The following PTPRG variants were observed in gnomAD, a reference collection of about 807,000 sequenced individuals.
PTPRG encodes the protein protein tyrosine phosphatase receptor type G, also known as receptor-type tyrosine-protein phosphatase gamma.
Under a neutral mutation model 165.3 loss-of-function variants are expected in PTPRG, and 102 were observed. The ratio of observed to expected loss-of-function variants is 0.62; its 90% CI spans 0.53 to 0.73. PTPRG has a LOEUF of 0.73. PTPRG is among the 30% of genes least tolerant of loss of function. The pLI, the probability that PTPRG is intolerant of heterozygous loss-of-function variation, is 0.00. For synonymous variants in PTPRG, 675 were observed against 669.5 expected, an observed-to-expected ratio of 1.01 and a Z score of -0.13; for missense variants, 1,866 against 1,861.4, an observed-to-expected ratio of 1.00 and a Z score of -0.05.
intron 2 of PTPRG, chr3:61,771,033 G>A (rs1016934408): frequency 6.6e-6 from 1 of 152,008 alleles, no homozygotes; most frequent in East Asian, 1.9e-4. Context: ...CTCACCATTT[G>A]CCTTGGCCTC....
chr3:62,011,797 G>C (rs1156734657), intron 4 of PTPRG, among the ~76,000 whole-genome samples: 1 of 152,170 alleles, frequency 6.6e-6, no homozygotes, highest in Non-Finnish European at 1.5e-5. Context: ...TTGGTCCCTG[G>C]CTTGGTAAAT....
At chr3:62,141,877 G>C (rs1047638125) in intron 6 of PTPRG, among the ~76,000 whole-genome samples, 5 of 151,776 alleles carry the variant, frequency 3.3e-5, no homozygotes, top group African/African-American at 1.2e-4. Flanking sequence ...CTCCAGCCTG[G>C]GTGACAGGGC....
At chr3:61,841,475 C>T (rs1187995469) in intron 2 of PTPRG, among the ~76,000 whole-genome samples, 1 of 152,258 alleles carries the variant, frequency 6.6e-6, no homozygotes, top group East Asian at 1.9e-4. Flanking sequence ...ACTAATGGGG[C>T]ATTGAACTAA....
At position 61,660,434 on chromosome 3, in the gene PTPRG, C is replaced by T. The variant is rs567114417; in HGVS notation, c.86-88444C>T. ...AACCTGAACTCAAAGTCTCCCAAAG[C>T]CCTCTCTGAACAAGAAAATAGAATA... On this transcript the variant is annotated intron_variant, in intron 1 of 29. Coordinates refer to ENST00000474889, the MANE Select transcript of PTPRG (RefSeq NM_002841.4). 1.9e-4 allele frequency among the ~76,000 whole-genome samples: 29 copies of T among 152,266 alleles called. No homozygotes were observed. In the South Asian group the frequency reaches 4.1e-3, roughly 22 times the overall value.
intron 1 of PTPRG, among the ~76,000 whole-genome samples, chr3:61,690,154 A>C (rs978638927): frequency 6.6e-6 from 1 of 152,166 alleles, no homozygotes; most frequent in African/African-American, 2.4e-5. Flanking sequence ...CCGACAATGG[A>C]CTTTACTTGT....
intron 2 of PTPRG, among the ~76,000 whole-genome samples, chr3:61,811,939 G>A (rs1047989447): frequency 3.9e-5 from 6 of 152,166 alleles, no homozygotes; most frequent in South Asian, 4.1e-4. Context: ...TGAGCTCTGC[G>A]CTTTCTCTCC....
At chr3:61,619,671 TG>T (rs1179214838) in intron 1 of PTPRG, among the ~76,000 whole-genome samples, 1 of 152,120 alleles carries the variant, frequency 6.6e-6, no homozygotes, top group Non-Finnish European at 1.5e-5. Context: ...ATAGTACTGG[TG>T]GGTGTATGAA....
chr3:61,796,525 T>C (rs910084503), intron 2 of PTPRG, among the ~76,000 whole-genome samples: 19 of 152,208 alleles, frequency 1.2e-4, no homozygotes, highest in Admixed American at 8.5e-4. Flanking sequence ...GGACAAAGTC[T>C]GCATGACGCT....
At chr3:62,012,308 A>T (rs56173475) in intron 4 of PTPRG, among the ~76,000 whole-genome samples, 8,695 of 152,206 alleles carry the variant, frequency 0.057, 323 homozygotes, top group Non-Finnish European at 0.082. Context: ...TGGTTTTATT[A>T]GGTAAGTAAT....
At chr3:62,125,487 T>C (rs1018002869) in intron 5 of PTPRG, among the ~76,000 whole-genome samples, 1 of 152,176 alleles carries the variant, frequency 6.6e-6, no homozygotes, top group East Asian at 1.9e-4. Flanking sequence ...ACTTGCTACA[T>C]GTGAAAACAG....
At chr3:62,132,754 C>T in intron 6 of PTPRG, 86 bp downstream of exon 6, 2 of 1,177,002 alleles carry the variant, frequency 1.7e-6, no homozygotes, top group Non-Finnish European at 2.6e-6. Flanking sequence ...TTGCAGAGGA[C>T]AGAGGGTGAC....
intron 1 of PTPRG, among the ~76,000 whole-genome samples, chr3:61,701,832 G>C (rs973512885): frequency 6.6e-6 from 1 of 152,118 alleles, no homozygotes; most frequent in East Asian, 1.9e-4. Context: ...CCAGGAGGTC[G>C]AGACTGAAGG....
chr3:62,113,998 G>A (rs1702765470), intron 5 of PTPRG, among the ~76,000 whole-genome samples: 2 of 152,270 alleles, frequency 1.3e-5, no homozygotes, highest in South Asian at 4.1e-4. Context: ...TTTTTTAAAA[G>A]TCTTAGAAGT....
chr3:62,087,115 T>C (rs1426142359), intron 5 of PTPRG, among the ~76,000 whole-genome samples: 1 of 152,234 alleles, frequency 6.6e-6, no homozygotes, highest in Non-Finnish European at 1.5e-5. Context: ...AGTCACAGAA[T>C]GTGATTTTCG....
At chr3:61,888,011 A>G (rs1304855029) in intron 2 of PTPRG, among the ~76,000 whole-genome samples, 3 of 152,320 alleles carry the variant, frequency 2.0e-5, no homozygotes, top group East Asian at 1.9e-4. Context: ...ACATAGAGCC[A>G]AAGTCAAAGA....
chr3:62,016,567 T>G (rs1170120501), intron 4 of PTPRG, among the ~76,000 whole-genome samples: 1 of 152,212 alleles, frequency 6.6e-6, no homozygotes, highest in Non-Finnish European at 1.5e-5. Context: ...CTACCCTGAT[T>G]CAAGCCAACA....
At chr3:61,823,721 C>T (rs967637705) in intron 2 of PTPRG, among the ~76,000 whole-genome samples, 1 of 152,140 alleles carries the variant, frequency 6.6e-6, no homozygotes, top group Non-Finnish European at 1.5e-5. Context: ...AGTTTAAGTT[C>T]ACATGGATTT....
Position 61,672,590 on chromosome 3 carries a change from C to CA in PTPRG, c.86-76288_86-76287insA, listed in dbSNP as rs201061004. On this transcript the variant is annotated intron_variant, in intron 1 of 29. Coordinates refer to ENST00000474889, the MANE Select transcript of PTPRG (RefSeq NM_002841.4). ...AGAAAACCAGTCAGGCATGGCGGCGCCGCCTGCAATTGCAGGCACTCGGCA... is the reference window on the plus strand; with the variant it reads ...AGAAAACCAGTCAGGCATGGCGGCGCACGCCTGCAATTGCAGGCACTCGGCA... 1.1e-3 allele frequency among the ~76,000 whole-genome samples: 163 copies of CA among 150,496 alleles called. 2 individuals carry two copies. The highest frequency in any genetic ancestry group is 3.7e-3 in the African/African-American group (151 of 40,828).
At chr3:61,727,748 C>G (rs528186322) in intron 1 of PTPRG, among the ~76,000 whole-genome samples, 14 of 152,288 alleles carry the variant, frequency 9.2e-5, no homozygotes, top group African/African-American at 3.1e-4. Flanking sequence ...CCAGTAATAT[C>G]AAGTCAAACA....
Sources: allele counts gnomAD v4.1 joint callset (sites outside exome capture counted in the v4.1 genomes callset), GRCh38; gene constraint gnomAD v4.1.1; transcripts MANE v1.5; gene names NCBI Gene and HGNC (gene_info 2026-07-23, HGNC 2026-07-21).